GALNTL6: variants seen among roughly 807,000 people sequenced by gnomAD.
The protein encoded by GALNTL6 is polypeptide N-acetylgalactosaminyltransferase like 6.
In GALNTL6, 46 loss-of-function variants were observed where a neutral mutation model predicts 73.7. The ratio of observed to expected loss-of-function variants is 0.62; its 90% CI spans 0.49 to 0.80. The LOEUF is 0.80. Among genes scored for constraint, GALNTL6 ranks in the 30% least tolerant of loss-of-function variants. The probability of loss-of-function intolerance (pLI) is 0.00; values close to 1 mark genes in which losing one functional copy is unlikely to be tolerated. For synonymous variants in GALNTL6, 259 were observed against 263.7 expected, an observed-to-expected ratio of 0.98 and a Z score of 0.17; for missense variants, 604 against 755.0, an observed-to-expected ratio of 0.80 and a Z score of 2.34.
intron 2 of GALNTL6, among the ~76,000 whole-genome samples, chr4:172,160,818 A>G (rs1158614922): frequency 1.3e-5 from 2 of 151,800 alleles, no homozygotes; most frequent in African/African-American, 4.8e-5. Context: ...AACAGAGGGC[A>G]CATAGGCTGG....
chr4:172,370,776 C>G (rs886195467), intron 5 of GALNTL6, among the ~76,000 whole-genome samples: 8 of 152,072 alleles, frequency 5.3e-5, no homozygotes, highest in African/African-American at 1.9e-4. Context: ...CAAAGTCCTC[C>G]TTTCTCAGCA....
At chr4:172,105,154 T>C (rs1732641165) in intron 2 of GALNTL6, among the ~76,000 whole-genome samples, 1 of 151,812 alleles carries the variant, frequency 6.6e-6, no homozygotes, top group African/African-American at 2.4e-5. Context: ...GAATAACAAA[T>C]TTATAAAAAC....
Position 172,348,629 on chromosome 4 carries a change from A to C in GALNTL6, c.493A>C (p.Asn165His). 6.2e-7 allele frequency: 1 copy of C among 1,612,192 alleles called. No homozygotes were observed. Among genetic ancestry groups the C allele is most frequent in the Non-Finnish European group, 8.5e-7 (1 of 1,178,804 alleles). The change falls in exon 5 of 13, where the codon AAC becomes CAC. Residue 165 changes from asparagine (N) to histidine (H), a missense_variant. By Grantham distance (68) the Asn-to-His change is moderately conservative. Transcript: ENST00000506823. ...SLLRTIHSIINRTPGSLIAEI... is the reference protein window; with the variant it reads ...SLLRTIHSIIHRTPGSLIAEI... ...CCTGCGGACCATACACAGTATAATT[A>C]ACCGAACCCCAGGGAGTCTGATAGC...
intron 3 of GALNTL6, among the ~76,000 whole-genome samples, chr4:172,309,932 G>A (rs1740289874): frequency 6.6e-6 from 1 of 152,014 alleles, no homozygotes; most frequent in Non-Finnish European, 1.5e-5. Context: ...AAACGCCACT[G>A]AGGTCCAAAA....
At chr4:171,860,018 A>T (rs1173693226) in intron 2 of GALNTL6, among the ~76,000 whole-genome samples, 2 of 152,222 alleles carry the variant, frequency 1.3e-5, no homozygotes, top group Non-Finnish European at 2.9e-5. Flanking sequence ...AGTCCTGAAG[A>T]CAGACCTTTC....
chr4:172,599,421 G>A (rs1737975249), intron 5 of GALNTL6, among the ~76,000 whole-genome samples: 1 of 152,018 alleles, frequency 6.6e-6, no homozygotes, highest in South Asian at 2.1e-4. Context: ...GTCTAACTTG[G>A]GAAAAATATT....
At chr4:172,553,724 T>C (rs1038163655) in intron 5 of GALNTL6, among the ~76,000 whole-genome samples, 1 of 152,150 alleles carries the variant, frequency 6.6e-6, no homozygotes, top group Non-Finnish European at 1.5e-5. Context: ...TTGCAACATA[T>C]CTCTTATCTC....
chr4:172,971,524 G>A (rs1021856974), intron 10 of GALNTL6, among the ~76,000 whole-genome samples: 1 of 152,142 alleles, frequency 6.6e-6, no homozygotes, highest in African/African-American at 2.4e-5. Flanking sequence ...AGTAACAAGT[G>A]GGGAAAGTGA....
intron 5 of GALNTL6, among the ~76,000 whole-genome samples, chr4:172,369,275 G>C (rs551820849): frequency 3.6e-4 from 55 of 152,130 alleles, no homozygotes; most frequent in Admixed American, 5.9e-4. Context: ...GTCCCCACCA[G>C]ATTAGCTAGA....
chr4:172,365,579 A>G (rs1038694101), intron 5 of GALNTL6, among the ~76,000 whole-genome samples: 2 of 152,076 alleles, frequency 1.3e-5, no homozygotes, highest in African/African-American at 2.4e-5. Context: ...CATTTCTGAA[A>G]TCAGAGGCCA....
intron 5 of GALNTL6, among the ~76,000 whole-genome samples, chr4:172,479,970 T>A (rs904301058): frequency 2.6e-5 from 4 of 152,152 alleles, no homozygotes; most frequent in Non-Finnish European, 4.4e-5. Context: ...AAAACACCCC[T>A]CATTTTTATT....
intron 8 of GALNTL6, among the ~76,000 whole-genome samples, chr4:172,930,006 G>C (rs575332836): frequency 7.2e-5 from 11 of 152,274 alleles, no homozygotes; most frequent in African/African-American, 2.6e-4. Context: ...GCCAGGTGCG[G>C]TGGCTCACGC....
At chr4:172,028,993 T>C (rs1380733150) in intron 2 of GALNTL6, among the ~76,000 whole-genome samples, 2 of 152,054 alleles carry the variant, frequency 1.3e-5, no homozygotes. Flanking sequence ...TTTCTAATAT[T>C]TGAACATTTA....
At chr4:172,267,464 G>T (rs1359746949) in intron 3 of GALNTL6, among the ~76,000 whole-genome samples, 1 of 151,904 alleles carries the variant, frequency 6.6e-6, no homozygotes, top group Non-Finnish European at 1.5e-5. Flanking sequence ...AATTTTTATT[G>T]GTTCTTTTAG....
At chr4:172,426,579 G>T (rs1485322502) in intron 5 of GALNTL6, among the ~76,000 whole-genome samples, 2 of 152,118 alleles carry the variant, frequency 1.3e-5, no homozygotes, top group East Asian at 3.9e-4. Flanking sequence ...ATGCATCTAA[G>T]GAAGAGAGAT....
chr4:172,966,961 T>C (rs975023794), intron 10 of GALNTL6, among the ~76,000 whole-genome samples: 9 of 152,210 alleles, frequency 5.9e-5, no homozygotes, highest in Non-Finnish European at 1.3e-4. Context: ...CGGTCAGTCT[T>C]AGATTTTGTA....
chr4:172,939,470 A>T (rs541517583), intron 9 of GALNTL6, among the ~76,000 whole-genome samples: 1 of 152,238 alleles, frequency 6.6e-6, no homozygotes, highest in African/African-American at 2.4e-5. Flanking sequence ...ATCATTAAAT[A>T]CTATGAGTTC....
At chr4:172,253,651 G>T (rs1270415133) in intron 3 of GALNTL6, among the ~76,000 whole-genome samples, 7 of 151,954 alleles carry the variant, frequency 4.6e-5, no homozygotes, top group Admixed American at 4.6e-4. Context: ...AAGCTTGTAT[G>T]TGACCAGAAG....
At chr4:172,385,106 C>G (rs774860880) in intron 5 of GALNTL6, among the ~76,000 whole-genome samples, 1 of 145,722 alleles carries the variant, frequency 6.9e-6, no homozygotes, top group African/African-American at 2.5e-5. Context: ...AATTATTCTT[C>G]TGTTATTGAT....
Sources: allele counts gnomAD v4.1 joint callset (sites outside exome capture counted in the v4.1 genomes callset), GRCh38; gene constraint gnomAD v4.1.1; transcripts MANE v1.5; gene names NCBI Gene and HGNC (gene_info 2026-07-23, HGNC 2026-07-21).